Variants in CAPZB observed in about 807,000 individuals in gnomAD.
CAPZB encodes the protein capping actin protein of muscle Z-line subunit beta.
Under a neutral mutation model 38.1 loss-of-function variants are expected in CAPZB, and 2 were observed. The observed-to-expected ratio is 0.05, with a 90% CI of 0.02 to 0.17. The LOEUF is 0.17. Among genes scored for constraint, CAPZB ranks in the 10% least tolerant of loss-of-function variants. CAPZB has a pLI of 1.00. For synonymous variants in CAPZB, 107 were observed against 127.4 expected, an observed-to-expected ratio of 0.84 and a Z score of 1.08; for missense variants, 161 against 334.2, an observed-to-expected ratio of 0.48 and a Z score of 4.04.
At chr1:19,373,831 G>A (rs974257045) in intron 4 of CAPZB, among the ~76,000 whole-genome samples, 2 of 151,930 alleles carry the variant, frequency 1.3e-5, no homozygotes, top group African/African-American at 4.8e-5. Context: ...AGGCCTATGT[G>A]TGTGTGTGCC....
intron 1 of CAPZB, among the ~76,000 whole-genome samples, chr1:19,440,177 T>G (rs772084031): frequency 6.6e-5 from 10 of 152,174 alleles, no homozygotes; most frequent in Admixed American, 1.3e-4. Flanking sequence ...AAGCAGGGTC[T>G]TGCTTGCATA....
chr1:19,434,806 C>A (rs796394742), intron 1 of CAPZB, among the ~76,000 whole-genome samples: 4 of 152,080 alleles, frequency 2.6e-5, no homozygotes, highest in African/African-American at 9.6e-5. Flanking sequence ...GTAGTCCCAG[C>A]TATTTGGGAG....
chr1:19,476,686 G>A (rs534473941), intron 1 of CAPZB, among the ~76,000 whole-genome samples: 1 of 152,350 alleles, frequency 6.6e-6, no homozygotes, highest in Non-Finnish European at 1.5e-5. Flanking sequence ...AGTGGCCGAC[G>A]CTAGGCTAAG....
intron 1 of CAPZB, among the ~76,000 whole-genome samples, chr1:19,477,981 A>G (rs773073450): frequency 2.0e-5 from 3 of 152,358 alleles, no homozygotes; most frequent in African/African-American, 4.8e-5. Context: ...ACACTGTTAA[A>G]TAAGATACCG....
chr1:19,483,538 T>C (rs1413420310), intron 1 of CAPZB, among the ~76,000 whole-genome samples: 4 of 152,246 alleles, frequency 2.6e-5, no homozygotes, highest in Non-Finnish European at 5.9e-5. Context: ...CCTTTTCAGA[T>C]GAGAGCTGAG....
At chr1:19,398,509 T>C (rs1558224975) in intron 2 of CAPZB, among the ~76,000 whole-genome samples, 2 of 150,062 alleles carry the variant, frequency 1.3e-5, no homozygotes, top group Non-Finnish European at 2.9e-5. Context: ...TTGTGCCATG[T>C]TTACGTGTCT....
intron 1 of CAPZB, among the ~76,000 whole-genome samples, chr1:19,459,021 C>A (rs997080156): frequency 6.6e-6 from 1 of 152,202 alleles, no homozygotes; most frequent in South Asian, 2.1e-4. Context: ...GGCAGGAGAC[C>A]GTTGGCAGGA....
In CAPZB at chr1:19,358,158, G is replaced by A. The variant is rs368188949; in HGVS notation, c.330-595C>T. Among the ~76,000 whole-genome samples, 6 of 152,244 alleles carry A rather than the reference G, an allele frequency of 3.9e-5. No individual in the cohort carries two copies. In the East Asian group the frequency reaches 5.8e-4, roughly 15 times the overall value. Reference sequence around the variant, plus strand: ...ACATCTTTTCTTTTTTTCTGTTTTTGAGATGAAGCCTCACCATCTCCCAGG... The same window carrying A: ...ACATCTTTTCTTTTTTTCTGTTTTTAAGATGAAGCCTCACCATCTCCCAGG... On this transcript the variant is annotated intron_variant, in intron 4 of 8. Transcript: ENST00000264202.
chr1:19,449,031 CCTGACTTCTCCCAT>C, intron 1 of CAPZB: 3 of 1,509,784 alleles, frequency 2.0e-6, no homozygotes, highest in Admixed American at 4.1e-5. Context: ...GCTGCCCGCT[CCTGACTTCTCCCAT>C]CTGGTTTCCA....
chr1:19,381,259 C>T (rs1251791982), intron 3 of CAPZB, among the ~76,000 whole-genome samples: 1 of 151,140 alleles, frequency 6.6e-6, no homozygotes, highest in Non-Finnish European at 1.5e-5. Flanking sequence ...TCTTGCACCC[C>T]CGCCCCCCCA....
At chr1:19,411,387 T>C (rs1005173953) in intron 2 of CAPZB, among the ~76,000 whole-genome samples, 1 of 152,224 alleles carries the variant, frequency 6.6e-6, no homozygotes, top group Non-Finnish European at 1.5e-5. Context: ...TTAAAGATGA[T>C]GGGAGAGCAT....
chr1:19,461,958 A>T (rs1174959914), intron 1 of CAPZB, among the ~76,000 whole-genome samples: 7 of 152,212 alleles, frequency 4.6e-5, no homozygotes, highest in African/African-American at 7.2e-5. Flanking sequence ...ATGAATAAAT[A>T]TGTGCTATTA....
At chr1:19,433,570 G>A (rs902453419) in intron 1 of CAPZB, among the ~76,000 whole-genome samples, 2 of 152,160 alleles carry the variant, frequency 1.3e-5, no homozygotes, top group African/African-American at 4.8e-5. Context: ...AGTCCAACCT[G>A]CAAACAGCAC....
chr1:19,339,660 T>G (rs1340497573), intron 8 of CAPZB, 43 bp from the exon 9 acceptor site: 1 of 1,477,686 alleles, frequency 6.8e-7, no homozygotes, highest in African/African-American at 1.4e-5. Context: ...GAACAGGGAC[T>G]GGTGAGGCGG....
At chr1:19,339,754 G>T in intron 8 of CAPZB, 137 bp from the exon 9 acceptor site, 2 of 732,732 alleles carry the variant, frequency 2.7e-6, no homozygotes, top group South Asian at 3.0e-5. Flanking sequence ...GGGTCACTGG[G>T]CTGGGCATCT....
chr1:19,459,372 T>A lies in CAPZB; in HGVS notation c.3+26064A>T, dbSNP rs183768525. 3.9e-5 allele frequency among the ~76,000 whole-genome samples: 6 copies of A among 152,324 alleles called. No homozygotes were observed. The East Asian group carries it at 1.2e-3, about 29-fold the overall frequency. ...GAAAAGTCGTTAAAGTTGTTAAAGT[T>A]CTGTGTTATTTAAATAAAATAAGCA... On this transcript the variant is annotated intron_variant, in intron 1 of 8. Coordinates refer to ENST00000264202, the MANE Select transcript of CAPZB (RefSeq NM_004930.5).
At chr1:19,406,253 T>C (rs745889181) in intron 2 of CAPZB, among the ~76,000 whole-genome samples, 4 of 152,208 alleles carry the variant, frequency 2.6e-5, no homozygotes, top group Non-Finnish European at 5.9e-5. Flanking sequence ...AGCTTCTTTA[T>C]GTAAGCAATG....
At chr1:19,461,191 G>A (rs2094550775) in intron 1 of CAPZB, among the ~76,000 whole-genome samples, 1 of 152,136 alleles carries the variant, frequency 6.6e-6, no homozygotes, top group African/African-American at 2.4e-5. Flanking sequence ...TCTTCATATG[G>A]GCTTAGAGAG....
chr1:19,390,268 T>A (rs182917772), intron 2 of CAPZB, among the ~76,000 whole-genome samples: 2 of 152,108 alleles, frequency 1.3e-5, no homozygotes, highest in African/African-American at 2.4e-5. Flanking sequence ...AAACGACAGG[T>A]CCAAACAAAG....
Sources: allele counts gnomAD v4.1 joint callset (sites outside exome capture counted in the v4.1 genomes callset), GRCh38; gene constraint gnomAD v4.1.1; transcripts MANE v1.5; gene names NCBI Gene and HGNC (gene_info 2026-07-23, HGNC 2026-07-21).